TMPO: variants seen among roughly 807,000 people sequenced by gnomAD.
TMPO encodes thymopoietin, also known as LEM domain containing 4.
In TMPO, 22 loss-of-function variants were observed where a neutral mutation model predicts 45.4. The ratio of observed to expected loss-of-function variants is 0.48; its 90% CI spans 0.35 to 0.69. The LOEUF (loss-of-function observed/expected upper bound fraction) is 0.69. TMPO is among the 30% of genes least tolerant of loss of function. The probability of loss-of-function intolerance (pLI) is 0.01; values close to 1 mark genes in which losing one functional copy is unlikely to be tolerated. For synonymous variants in TMPO, 241 were observed against 204.1 expected (o/e 1.18, Z -1.54); for missense variants, 512 against 548.8 (o/e 0.93, Z 0.67).
chr12:98,531,224 G>A (rs886320949), intron 2 of TMPO, among the ~76,000 whole-genome samples: 5 of 144,112 alleles, frequency 3.5e-5, no homozygotes, highest in African/African-American at 1.0e-4. Context: ...ACAGGCATCA[G>A]CCACCACGTC....
intron 4 of TMPO, among the ~76,000 whole-genome samples, chr12:98,539,075 C>G (rs1877744207): frequency 6.6e-6 from 1 of 152,008 alleles, no homozygotes; most frequent in Admixed American, 6.6e-5. Flanking sequence ...TGGTGCATGC[C>G]TGTAATCCTA....
chr12:98,537,521 C>T lies in TMPO; in HGVS notation c.612C>T (p.Gly204=), dbSNP rs377624930. The change falls in exon 4 of 9, where the codon GGC becomes GGT. Residue 204 remains glycine, a synonymous_variant. Coordinates refer to ENST00000556029, the MANE Select transcript of TMPO (RefSeq NM_001032283.3). ...LKLEKREPLK[G]RAKTPVTLKQ... ...TTGAGAAGAGAGAACCACTAAAGGG[C>T]AGAGCAAAGACTCCAGTAACACTCA... The T allele has an allele frequency of 6.2e-7, 1 of 1,613,444 alleles. No individual in the cohort carries two copies. Among genetic ancestry groups the T allele is most frequent in the Non-Finnish European group, 8.5e-7 (1 of 1,179,754 alleles).
rs1207248664 is a variant in TMPO at position 98,515,845 on chromosome 12, AG to A, written c.-18del. ...AGCGGCGGCGGCAAAGGCTGTGGGGAGGGGGCTTCGCAGATCCCCGAGATGC... is the reference window on the plus strand; with the variant it reads ...AGCGGCGGCGGCAAAGGCTGTGGGGAGGGGCTTCGCAGATCCCCGAGATGC... On this transcript the variant is annotated 5_prime_UTR_variant, in exon 1 of 9. Transcript: ENST00000556029. 2.5e-6 allele frequency: 4 copies of A among 1,603,462 alleles called. No individual in the cohort carries two copies. In the South Asian group the frequency reaches 3.3e-5, roughly 13 times the overall value.
chr12:98,533,781 A>C lies in TMPO; in HGVS notation c.565+1943A>C. 6.2e-7 allele frequency: 1 copy of C among 1,614,242 alleles called. No individual in the cohort carries two copies. Among genetic ancestry groups the C allele is most frequent in the Admixed American group, 1.7e-5 (1 of 60,020 alleles). On this transcript the variant is annotated intron_variant, in intron 3 of 8. Transcript: ENST00000556029. ...AAGTAATTGAAGAAGAATGGCAGCAAGTTGACAGGCAGCTGCCTTCACTGG... is the reference window on the plus strand; with the variant it reads ...AAGTAATTGAAGAAGAATGGCAGCACGTTGACAGGCAGCTGCCTTCACTGG...
chr12:98,544,926 G>A, intron 6 of TMPO, 25 bp from the exon 7 acceptor site: 1 of 1,478,384 alleles, frequency 6.8e-7, no homozygotes, highest in Non-Finnish European at 9.4e-7. Flanking sequence ...ATAATTCTGA[G>A]TCTGAATAAT....
intron 1 of TMPO, among the ~76,000 whole-genome samples, chr12:98,526,943 C>T (rs1053546638): frequency 2.1e-4 from 31 of 150,004 alleles, no homozygotes; most frequent in African/African-American, 7.1e-4. Flanking sequence ...GGCAACAGAG[C>T]GAGACTCCAC....
chr12:98,527,354 A>C (rs1876849999), intron 1 of TMPO, among the ~76,000 whole-genome samples: 3 of 150,550 alleles, frequency 2.0e-5, no homozygotes, highest in Admixed American at 6.6e-5. Context: ...AAAAAAACAA[A>C]AAAAAAAAAC....
At chr12:98,519,874 A>G (rs1362109768) in intron 1 of TMPO, among the ~76,000 whole-genome samples, 1 of 152,194 alleles carries the variant, frequency 6.6e-6, no homozygotes, top group African/African-American at 2.4e-5. Flanking sequence ...TTCCTCTTAT[A>G]TGTACTATAT....
chr12:98,544,561 C>G (rs1432349915), intron 6 of TMPO, 24 bp downstream of exon 6: 1 of 1,572,646 alleles, frequency 6.4e-7, no homozygotes, highest in Non-Finnish European at 8.7e-7. Context: ...ATAAACTATA[C>G]AAGTGGTATT....
At chr12:98,535,579 T>G in intron 3 of TMPO, 1 of 985,428 alleles carries the variant, frequency 1.0e-6, no homozygotes, top group Non-Finnish European at 1.2e-6. Flanking sequence ...TTTTTAAAAA[T>G]GTATTACTGT....
At chr12:98,539,541 C>T (rs1490309382) in intron 4 of TMPO, among the ~76,000 whole-genome samples, 3 of 145,744 alleles carry the variant, frequency 2.1e-5, no homozygotes, top group South Asian at 2.2e-4. Context: ...GGCACAATCT[C>T]GGCTCACTTG....
At chr12:98,517,376 C>T (rs1037797781) in intron 1 of TMPO, among the ~76,000 whole-genome samples, 1 of 152,138 alleles carries the variant, frequency 6.6e-6, no homozygotes, top group African/African-American at 2.4e-5. Flanking sequence ...TGCCGAGTTA[C>T]CAGGCTTCAA....
At chr12:98,546,639 C>G (rs1020214478) in intron 8 of TMPO, among the ~76,000 whole-genome samples, 192 bp downstream of exon 8, 1 of 152,102 alleles carries the variant, frequency 6.6e-6, no homozygotes, top group Non-Finnish European at 1.5e-5. Flanking sequence ...CCCAGGAGTT[C>G]GAGACCAGTC....
At position 98,516,017 on chromosome 12, in the gene TMPO, G is replaced by A. The variant is rs1405113817; in HGVS notation, c.150G>A (p.Arg50=). The A allele has an allele frequency of 6.2e-7, 1 of 1,609,022 alleles. No homozygotes were observed. The highest frequency in any genetic ancestry group is 8.5e-7 in the Non-Finnish European group (1 of 1,178,844). Residue 50 remains arginine, a synonymous_variant, in exon 1 of 9, where the codon CGG becomes CGA. Coordinates refer to ENST00000556029, the MANE Select transcript of TMPO (RefSeq NM_001032283.3). ...LYLQHLTARN[R]PPLPAGTNSK... ...TGCAGCACCTCACGGCTCGCAACCGGCCGCCGCTCCCCGCCGGCACCAACA... is the reference window on the plus strand; with the variant it reads ...TGCAGCACCTCACGGCTCGCAACCGACCGCCGCTCCCCGCCGGCACCAACA...
At chr12:98,526,394 G>A (rs915030317) in intron 1 of TMPO, among the ~76,000 whole-genome samples, 3 of 152,174 alleles carry the variant, frequency 2.0e-5, no homozygotes, top group Non-Finnish European at 4.4e-5. Context: ...TTAATATAAA[G>A]TGGTGTAGTA....
chr12:98,529,577 T>A (rs1490503766), intron 2 of TMPO, among the ~76,000 whole-genome samples: 2 of 152,166 alleles, frequency 1.3e-5, no homozygotes, highest in Non-Finnish European at 2.9e-5. Context: ...TTATTATTTT[T>A]TTTTTTGACA....
At position 98,515,611 on chromosome 12, in the gene TMPO, G is replaced by A. The variant is rs893763366; in HGVS notation, c.-257G>A. ...GGGCGAAGCAGGCTGCTCGCCTCCT[G>A]CCTGTAGTGTGTGGGCTGGGGTTGG... On this transcript the variant is annotated 5_prime_UTR_variant, in exon 1 of 9. Transcript: ENST00000556029. The A allele has an allele frequency of 1.3e-5, 8 of 636,510 alleles. No homozygotes were observed. The highest frequency in any genetic ancestry group is 5.9e-5 in the South Asian group (3 of 51,254). The allele number at this position is 636,510 out of a possible 1,614,324, so 39.4% of individuals were successfully genotyped here. A position where few individuals can be genotyped will look rare whatever the true frequency, so the allele number is the denominator to read the frequency against.
At chr12:98,544,843 C>T in intron 6 of TMPO, 108 bp from the exon 7 acceptor site, 1 of 949,904 alleles carries the variant, frequency 1.1e-6, no homozygotes, top group Non-Finnish European at 1.7e-6. Flanking sequence ...TAAATCTTTA[C>T]TAAGGGAAAA....
At chr12:98,530,268 T>G (rs1877099461) in intron 2 of TMPO, among the ~76,000 whole-genome samples, 1 of 151,666 alleles carries the variant, frequency 6.6e-6, no homozygotes, top group South Asian at 2.1e-4. Flanking sequence ...GCCCACAAGT[T>G]CAGGGTTGCA....
Sources: gnomAD v4.1 joint callset for allele counts (sites outside exome capture counted in the v4.1 genomes callset) on GRCh38, gnomAD v4.1.1 for gene constraint, MANE v1.5 for transcripts, NCBI Gene and HGNC (gene_info 2026-07-23, HGNC 2026-07-21) for gene names.